KDM1B: variants seen among roughly 807,000 people sequenced by gnomAD.
KDM1B encodes the protein lysine-specific histone demethylase 2.
A neutral mutation model predicts 107.4 loss-of-function variants in KDM1B; 63 were observed. That is an observed-to-expected ratio of 0.59 (90% confidence interval 0.48 to 0.72). The LOEUF is 0.72. Ranked by LOEUF, KDM1B falls within the 30% of genes least tolerant of loss-of-function variation. KDM1B has a pLI of 0.00. For synonymous variants in KDM1B, 363 were observed against 363.9 expected, an observed-to-expected ratio of 1.00 and a Z score of 0.03; for missense variants, 749 against 1,020.8, an observed-to-expected ratio of 0.73 and a Z score of 3.63.
In KDM1B at chr6:18,197,729, T is replaced by TC; in HGVS notation, c.1221+68_1221+69insC. The TC allele has an allele frequency of 4.5e-6, 5 of 1,106,748 alleles. No homozygotes were observed. The highest frequency in any genetic ancestry group is 6.7e-6 in the Non-Finnish European group (5 of 743,688). 68.6% of individuals were successfully genotyped at this position (1,106,748 alleles called of 1,614,324 possible). On this transcript the variant is annotated intron_variant, in intron 12 of 21. Coordinates refer to ENST00000650836, the MANE Select transcript of KDM1B (RefSeq NM_001364614.2). This position sits in a 1 kb window ranked among gnomAD's most constrained non-coding sequence, Gnocchi z 4.5. ...CTCCTTTTGGTCCAAATTTCTAAGA[T>TC]TTAGAAACCAGTTCCTATTTTTAGT...
Position 18,212,718 on chromosome 6 carries a change from A to T in KDM1B, c.1983+114A>T, listed in dbSNP as rs970905622. ...ATCTAAATACAAATAAAACTCAAGG[A>T]TTTCCTTTTCATTTGAGTAATTGTT... On this transcript the variant is annotated intron_variant, in intron 18 of 21. Coordinates refer to ENST00000650836, the MANE Select transcript of KDM1B (RefSeq NM_001364614.2). This position sits in a 1 kb window ranked among gnomAD's most constrained non-coding sequence, Gnocchi z 5.2. 7 of 739,870 alleles carry T rather than the reference A, an allele frequency of 9.5e-6. No individual in the cohort carries two copies. Among genetic ancestry groups the T allele is most frequent in the South Asian group, 1.6e-5 (1 of 64,330 alleles). The allele number at this position is 739,870 out of a possible 1,614,324, so 45.8% of individuals were successfully genotyped here.
chr6:18,166,496 TAAAGCAAATATTTTTTATTTTTATAG>T (rs1413483090), intron 6 of KDM1B, 118 bp downstream of exon 6: 1 of 640,066 alleles, frequency 1.6e-6, no homozygotes, highest in African/African-American at 1.8e-5. Context: ...CTATGACTAT[TAAAGCAAATATTTTTTATTTTTATAG>T]AAAGCTGAGA....
In KDM1B at chr6:18,162,801, A is replaced by G; in HGVS notation, c.216-34A>G. ...AAAATGGGAGGAGAAATGTTTATTC[A>G]TTACCAAAGCTATATGTTTTTCACT... On this transcript the variant is annotated intron_variant, in intron 4 of 21. Coordinates refer to ENST00000650836, the MANE Select transcript of KDM1B (RefSeq NM_001364614.2). This position sits in a 1 kb window ranked among gnomAD's most constrained non-coding sequence, Gnocchi z 4.1. The G allele has an allele frequency of 8.3e-7, 1 of 1,205,462 alleles. No homozygotes were observed. Among genetic ancestry groups the G allele is most frequent in the Non-Finnish European group, 1.2e-6 (1 of 809,228 alleles). 74.7% of individuals were successfully genotyped at this position (1,205,462 alleles called of 1,614,324 possible).
At position 18,159,049 on chromosome 6, in the gene KDM1B, C is replaced by T. The variant is rs1041697025; in HGVS notation, c.-13-834C>T. 6.6e-6 allele frequency among the ~76,000 whole-genome samples: 1 copy of T among 152,118 alleles called. No homozygotes were observed. Among genetic ancestry groups the T allele is most frequent in the Non-Finnish European group, 1.5e-5 (1 of 68,018 alleles). On this transcript the variant is annotated intron_variant, in intron 2 of 21. Coordinates refer to ENST00000650836, the MANE Select transcript of KDM1B (RefSeq NM_001364614.2). This position sits in a 1 kb window ranked among gnomAD's most constrained non-coding sequence, Gnocchi z 4.5. Reference sequence around the variant, plus strand: ...GTAGCACAATCTCGGCTCACTGCAACCTCCGCCTCCCTGGTTCAGGCGATT... The same window carrying T: ...GTAGCACAATCTCGGCTCACTGCAATCTCCGCCTCCCTGGTTCAGGCGATT...
In KDM1B at chr6:18,203,793, C is replaced by T. The variant is rs536641621; in HGVS notation, c.1532-1744C>T. Reference sequence around the variant, plus strand: ...ACTTGAACCTGGGAGGCAGAGGTTGCAGTGAGACAAGATCAGGCCATTGCA... The same window carrying T: ...ACTTGAACCTGGGAGGCAGAGGTTGTAGTGAGACAAGATCAGGCCATTGCA... On this transcript the variant is annotated intron_variant, in intron 14 of 21. Coordinates refer to ENST00000650836, the MANE Select transcript of KDM1B (RefSeq NM_001364614.2). The surrounding 1 kb of genome is among the most constrained non-coding windows in gnomAD (Gnocchi z 5.5). 2.0e-5 allele frequency among the ~76,000 whole-genome samples: 3 copies of T among 147,732 alleles called. No homozygotes were observed. The East Asian group carries it at 6.0e-4, about 29-fold the overall frequency.
At position 18,214,386 on chromosome 6, in the gene KDM1B, T is replaced by C. The variant is rs532973220; in HGVS notation, c.2109+605T>C. 6.6e-6 allele frequency among the ~76,000 whole-genome samples: 1 copy of C among 152,354 alleles called. No homozygotes were observed. The highest frequency in any genetic ancestry group is 2.1e-4 in the South Asian group (1 of 4,828). ...TGAGGTTTTTTTATTTTTCATTGTT[T>C]TATCTGCAGATTTTCCTTCTCCATC... On this transcript the variant is annotated intron_variant, in intron 19 of 21. Transcript: ENST00000650836. The surrounding 1 kb of genome is among the most constrained non-coding windows in gnomAD (Gnocchi z 4.4).
chr6:18,184,274 T>TC (rs1393225106), intron 7 of KDM1B, among the ~76,000 whole-genome samples: 2 of 70,088 alleles, frequency 2.9e-5, no homozygotes, highest in African/African-American at 1.0e-4. Context: ...TTCTAGCTTC[T>TC]TTTTTTTTTT....
chr6:18,190,417 C>T (rs1041604485), intron 9 of KDM1B, among the ~76,000 whole-genome samples: 4 of 148,978 alleles, frequency 2.7e-5, no homozygotes, highest in Admixed American at 6.7e-5. Context: ...ACAGTAAAAC[C>T]CCGTCTCTAC....
At chr6:18,208,080 T>C in intron 16 of KDM1B, 52 bp from the exon 17 acceptor site, 1 of 1,288,024 alleles carries the variant, frequency 7.8e-7, no homozygotes, top group Non-Finnish European at 1.1e-6. Context: ...GAAAGGATCC[T>C]GGATCACGTG....
chr6:18,158,323 C>CAAAAA (rs56971577), intron 2 of KDM1B, among the ~76,000 whole-genome samples: 34 of 99,440 alleles, frequency 3.4e-4, no homozygotes, highest in Non-Finnish European at 4.8e-4. Flanking sequence ...GACTCCTTCA[C>CAAAAA]AAAAAAAAAA....
Position 18,208,543 on chromosome 6 carries a change from C to T in KDM1B, c.1866+337C>T, listed in dbSNP as rs214594. On this transcript the variant is annotated intron_variant, in intron 17 of 21. Transcript: ENST00000650836. The stretch of plus-strand genomic sequence containing the variant: ...AAGTAAGTTTGGGAAGTATTGTATA[C>T]GATACTCTACTTTTAGGATTAAATA... Among the ~76,000 whole-genome samples the T allele has an allele frequency of 6.8e-5, 9 of 132,430 alleles. No individual in the cohort carries two copies. The South Asian group carries it at 7.3e-4, about 11-fold the overall frequency. The allele number at this position is 132,430 out of a possible 152,430, so 86.9% of individuals were successfully genotyped here.
chr6:18,160,631 G>T (rs542745072), intron 3 of KDM1B, among the ~76,000 whole-genome samples: 1 of 151,906 alleles, frequency 6.6e-6, no homozygotes, highest in African/African-American at 2.4e-5. Context: ...TCAGCTACTC[G>T]GGAGGCTGAG....
At position 18,168,596 on chromosome 6, in the gene KDM1B, A is replaced by G. The variant is rs187043369; in HGVS notation, c.417+2218A>G. Reference sequence around the variant, plus strand: ...TTCTTGTAGAAGTATTTGTTTGACTACCTGCTTGCAATTCTTGGGTATGTA... The same window carrying G: ...TTCTTGTAGAAGTATTTGTTTGACTGCCTGCTTGCAATTCTTGGGTATGTA... On this transcript the variant is annotated intron_variant, in intron 6 of 21. Coordinates refer to ENST00000650836, the MANE Select transcript of KDM1B (RefSeq NM_001364614.2). 5.6e-4 allele frequency among the ~76,000 whole-genome samples: 85 copies of G among 152,292 alleles called. No homozygotes were observed. The Middle Eastern group carries it at 0.01, about 18-fold the overall frequency.
chr6:18,196,997 ATTG>A, intron 10 of KDM1B, 57 bp from the exon 11 acceptor site: 1 of 1,407,408 alleles, frequency 7.1e-7, no homozygotes, highest in Non-Finnish European at 9.9e-7. Context: ...TTTTCCTGCT[ATTG>A]TTTGAATTTC....
intron 7 of KDM1B, among the ~76,000 whole-genome samples, chr6:18,183,590 T>G (rs2084898538): frequency 6.6e-6 from 1 of 152,146 alleles, no homozygotes; most frequent in Non-Finnish European, 1.5e-5. Flanking sequence ...TCCTTTGCTT[T>G]TTGTTACAGG....
chr6:18,197,254 C>A lies in KDM1B; in HGVS notation c.1146+21C>A. ...ACAATGTAGGTGATTATAGCTTTAGCGATAGCCTTGCCATTGATCAGGACA... is the reference window on the plus strand; with the variant it reads ...ACAATGTAGGTGATTATAGCTTTAGAGATAGCCTTGCCATTGATCAGGACA... On this transcript the variant is annotated intron_variant, in intron 11 of 21. Transcript: ENST00000650836. This position sits in a 1 kb window ranked among gnomAD's most constrained non-coding sequence, Gnocchi z 4.5. 1 of 1,602,772 alleles carries A rather than the reference C, an allele frequency of 6.2e-7. No homozygotes were observed. The highest frequency in any genetic ancestry group is 8.5e-7 in the Non-Finnish European group (1 of 1,172,118).
rs560686567 is a variant in KDM1B at position 18,174,452 on chromosome 6, C to T, written c.534+2973C>T. 6.6e-5 allele frequency among the ~76,000 whole-genome samples: 10 copies of T among 152,002 alleles called. No individual in the cohort carries two copies. The East Asian group carries it at 7.7e-4, about 12-fold the overall frequency. On this transcript the variant is annotated intron_variant, in intron 7 of 21. Coordinates refer to ENST00000650836, the MANE Select transcript of KDM1B (RefSeq NM_001364614.2). ...GCTCATGGGCCAAATCTGGCTGATA[C>T]GTATTTATTTTTATTTATTTTTATT...
chr6:18,182,183 T>C (rs1469898992), intron 7 of KDM1B, among the ~76,000 whole-genome samples: 2 of 152,044 alleles, frequency 1.3e-5, no homozygotes, highest in African/African-American at 4.8e-5. Context: ...TTAAAGCCTT[T>C]ATAGTCTTTT....
chr6:18,198,424 T>G, intron 12 of KDM1B, among the ~76,000 whole-genome samples: 1 of 151,578 alleles, frequency 6.6e-6, no homozygotes. Flanking sequence ...AGACGGGATT[T>G]CACCATGTTG....
Sources: allele counts gnomAD v4.1 joint callset (sites outside exome capture counted in the v4.1 genomes callset), GRCh38; gene constraint gnomAD v4.1.1; non-coding constraint Gnocchi (gnomAD v3.1); transcripts MANE v1.5; gene names NCBI Gene and HGNC (gene_info 2026-07-23, HGNC 2026-07-21).